AIFM3: variants seen among roughly 807,000 people sequenced by gnomAD.
The protein encoded by AIFM3 is apoptosis-inducing factor 3.
A neutral mutation model predicts 82.7 loss-of-function variants in AIFM3; 71 were observed. That is an observed-to-expected ratio of 0.86 (90% CI 0.71 to 1.05). AIFM3 has a LOEUF of 1.05. AIFM3 is among the 50% of genes least tolerant of loss of function. The probability of loss-of-function intolerance (pLI) is 0.00; values close to 1 mark genes in which losing one functional copy is unlikely to be tolerated. For missense variants in AIFM3, 748 were observed against 816.7 expected (o/e 0.92, Z 1.03); for synonymous variants, 337 against 329.1 (o/e 1.02, Z -0.26).
upstream of AIFM3, among the ~76,000 whole-genome samples, chr22:20,965,676 G>T (rs1244656798): frequency 3.9e-5 from 6 of 152,300 alleles, no homozygotes; most frequent in Admixed American, 3.9e-4. Flanking sequence ...AAGCCACTGG[G>T]AGTCCGATCT....
intron 2 of AIFM3, among the ~76,000 whole-genome samples, 178 bp downstream of exon 2, chr22:20,968,153 C>T (rs1284279214): frequency 1.3e-5 from 2 of 152,176 alleles, no homozygotes; most frequent in East Asian, 3.9e-4. Context: ...TGGAGCAGTT[C>T]CCCCAGCTGG....
Position 20,976,233 on chromosome 22 carries a change from A to C in AIFM3, c.826A>C (p.Arg276=), listed in dbSNP as rs1434404141. The C allele has an allele frequency of 2.0e-5, 33 of 1,613,708 alleles. No homozygotes were observed. The highest frequency in any genetic ancestry group is 2.7e-5 in the Non-Finnish European group (32 of 1,179,960). ...ATTGCAGGTGGTCACAGTGGACGTGAGAACTAAGAAGGTCGTGTTCAAGGA... is the reference window on the plus strand; with the variant it reads ...ATTGCAGGTGGTCACAGTGGACGTGCGAACTAAGAAGGTCGTGTTCAAGGA... ...TEAQVVTVDV[R]TKKVVFKDGF... The change falls in exon 10 of 21, where the codon AGA becomes CGA. Residue 276 remains arginine (R), a synonymous_variant. Coordinates refer to ENST00000440238, the MANE Select transcript of AIFM3 (RefSeq NM_001386814.1).
chr22:20,973,537 C>T lies in AIFM3; in HGVS notation c.245+17C>T. 1 of 1,603,478 alleles carries T rather than the reference C, an allele frequency of 6.2e-7. No homozygotes were observed. The highest frequency in any genetic ancestry group is 8.5e-7 in the Non-Finnish European group (1 of 1,174,646). On this transcript the variant is annotated intron_variant, in intron 3 of 20. Coordinates refer to ENST00000440238, the MANE Select transcript of AIFM3 (RefSeq NM_001386814.1). ...GAATGGCCAGTGGGTTCTGGGCTTG[C>T]CTGGGAGCGGGGATCAGGGGTCCCA...
At chr22:20,980,851 T>C in intron 20 of AIFM3, 84 bp downstream of exon 20, 1 of 1,610,536 alleles carries the variant, frequency 6.2e-7, no homozygotes, top group East Asian at 2.2e-5. Flanking sequence ...TCTCCCTCTG[T>C]CCAAGTACAC....
intron 2 of AIFM3, among the ~76,000 whole-genome samples, chr22:20,972,440 T>C (rs1028495833): frequency 2.6e-5 from 4 of 151,382 alleles, no homozygotes; most frequent in African/African-American, 7.3e-5. Context: ...AATTATGCTG[T>C]GAATTATGCT....
intron 18 of AIFM3, 63 bp from the exon 19 acceptor site, chr22:20,979,957 C>T (rs974284658): frequency 6.7e-7 from 1 of 1,487,554 alleles, no homozygotes; most frequent in African/African-American, 1.4e-5. Flanking sequence ...AGCAGTGCAT[C>T]AGGGTTTTCA....
intron 2 of AIFM3, among the ~76,000 whole-genome samples, chr22:20,970,433 A>G (rs1405447087): frequency 6.6e-6 from 1 of 152,084 alleles, no homozygotes; most frequent in Non-Finnish European, 1.5e-5. Flanking sequence ...GGCCTGCACC[A>G]CCACGACTGG....
chr22:20,977,560 A>G (rs2147947445), intron 14 of AIFM3, 140 bp from the exon 15 acceptor site: 1 of 976,132 alleles, frequency 1.0e-6, no homozygotes, highest in Non-Finnish European at 1.6e-6. Flanking sequence ...AGTGGGGACC[A>G]GGGTGCATGA....
rs2147940572 is a variant in AIFM3 at position 20,973,386 on chromosome 22, C to T, written c.111C>T (p.Pro37=). Residue 37 remains proline (P), a synonymous_variant, in exon 3 of 21, where the codon CCC becomes CCT. Coordinates refer to ENST00000440238, the MANE Select transcript of AIFM3 (RefSeq NM_001386814.1). ...EELSASGKGS[P]RAYQGNGTAR... is the part of the protein sequence containing the mutation. ...TGTCGGCCAGTGGGAAGGGCAGCCC[C>T]CGGGCCTACCAGGGCAATGGCACGG... 1 of 1,611,154 alleles carries T rather than the reference C, an allele frequency of 6.2e-7. No individual in the cohort carries two copies. The highest frequency in any genetic ancestry group is 8.5e-7 in the Non-Finnish European group (1 of 1,179,328).
At chr22:20,968,109 T>C in intron 2 of AIFM3, 134 bp downstream of exon 2, 1 of 924,698 alleles carries the variant, frequency 1.1e-6, no homozygotes. Context: ...GCTCGGAATG[T>C]TAATACGCTG....
Position 20,981,015 on chromosome 22 carries a change from C to CCA in AIFM3, c.1802_1803insCA (p.Gly602ArgfsTer42). 1 of 1,614,166 alleles carries CCA rather than the reference C, an allele frequency of 6.2e-7. No individual in the cohort carries two copies. The highest frequency in any genetic ancestry group is 8.5e-7 in the Non-Finnish European group (1 of 1,180,028). ...AGGACTGGCGACATGTCCTGGCTTACGGGGAAAGGATCCTGAGCTCACATG... is the reference window on the plus strand; with the variant it reads ...AGGACTGGCGACATGTCCTGGCTTACCAGGGGAAAGGATCCTGAGCTCACATG... On this transcript the variant is annotated frameshift_variant, in exon 21 of 21. Coordinates refer to ENST00000440238, the MANE Select transcript of AIFM3 (RefSeq NM_001386814.1). LOFTEE classifies it high-confidence loss of function.
At position 20,980,992 on chromosome 22, in the gene AIFM3, G is replaced by C. The variant is rs1369668948; in HGVS notation, c.1779G>C (p.Lys593Asn). Residue 593 changes from lysine to asparagine, a missense_variant and splice_region_variant, in exon 21 of 21, where the codon AAG becomes AAC. Around this residue, in one of 5 missense-constraint regions of AIFM3, gnomAD observed 183 missense variants for 158.2 expected, o/e 1.16. Coordinates refer to ENST00000440238, the MANE Select transcript of AIFM3 (RefSeq NM_001386814.1). ...REVELFVLHS[K>N]TGDMSWLTGK... ...ACCCCTCCTCCCCTCACTCCTGCAG[G>C]ACTGGCGACATGTCCTGGCTTACGG... The C allele has an allele frequency of 6.2e-7, 1 of 1,614,192 alleles. No homozygotes were observed. The highest frequency in any genetic ancestry group is 1.3e-5 in the African/African-American group (1 of 75,040).
Position 20,981,015 on chromosome 22 carries a change from CG to C in AIFM3, c.1806del (p.Gly604AspfsTer39). The C allele has an allele frequency of 6.2e-7, 1 of 1,614,166 alleles. No individual in the cohort carries two copies. The highest frequency in any genetic ancestry group is 1.1e-5 in the South Asian group (1 of 91,084). On this transcript the variant is annotated frameshift_variant, in exon 21 of 21. Transcript: ENST00000440238. LOFTEE classifies it high-confidence loss of function. Reference sequence around the variant, plus strand: ...AGGACTGGCGACATGTCCTGGCTTACGGGGAAAGGATCCTGAGCTCACATGC... The same window carrying C: ...AGGACTGGCGACATGTCCTGGCTTACGGGAAAGGATCCTGAGCTCACATGC... The part of the protein sequence containing the change: ...HSKTGDMSWL[T>X]GKGS
intron 3 of AIFM3, 48 bp from the exon 4 acceptor site, chr22:20,973,710 G>A (rs1923425333): frequency 1.4e-6 from 2 of 1,481,362 alleles, no homozygotes; most frequent in Admixed American, 2.2e-5. Flanking sequence ...GCTGCCAGGA[G>A]GTTGTGCCTG....
At position 20,980,023 on chromosome 22, in the gene AIFM3, C is replaced by CGACGAGGTGATG; in HGVS notation, c.1667_1668insGGACGAGGTGAT (p.Val555_Ile556insMetAspGluVal). The CGACGAGGTGATG allele has an allele frequency of 6.2e-7, 1 of 1,610,120 alleles. No individual in the cohort carries two copies. The highest frequency in any genetic ancestry group is 8.5e-7 in the Non-Finnish European group (1 of 1,179,626). On this transcript the variant is annotated inframe_insertion, in exon 19 of 21. Transcript: ENST00000440238. The stretch of plus-strand genomic sequence containing the variant: ...CTTGGCCATCCTCTCCTTGCAGAGG[C>CGACGAGGTGATG]GACGAGGTGATCGCCGTGGCCAGCA...
At chr22:20,979,852 C>T (rs956105418) in intron 18 of AIFM3, 150 bp downstream of exon 18, 3 of 1,183,454 alleles carry the variant, frequency 2.5e-6, no homozygotes, top group African/African-American at 3.1e-5. Context: ...GAAGCTTGTG[C>T]ACGGTCAAGC....
Position 20,981,215 on chromosome 22 carries a change from C to A in AIFM3, c.*184C>A. ...TCTGCTGGATCCAGAAGATGCTCAA[C>A]CCTCAAGGCCTCTGCTGCCACTGAC... On this transcript the variant is annotated 3_prime_UTR_variant, in exon 21 of 21. Coordinates refer to ENST00000440238, the MANE Select transcript of AIFM3 (RefSeq NM_001386814.1). 1.4e-6 allele frequency: 1 copy of A among 730,220 alleles called. No homozygotes were observed. The highest frequency in any genetic ancestry group is 2.2e-6 in the Non-Finnish European group (1 of 450,788). 45.2% of individuals were successfully genotyped at this position (730,220 alleles called of 1,614,324 possible).
In AIFM3 at chr22:20,980,740, C is replaced by T. The variant is rs772189405; in HGVS notation, c.1758-7C>T. 1.2e-6 allele frequency: 2 copies of T among 1,614,198 alleles called. No individual in the cohort carries two copies. Among genetic ancestry groups the T allele is most frequent in the Non-Finnish European group, 1.7e-6 (2 of 1,180,032 alleles). On this transcript the variant is annotated splice_polypyrimidine_tract_variant and splice_region_variant and intron_variant, in intron 19 of 20. Coordinates refer to ENST00000440238, the MANE Select transcript of AIFM3 (RefSeq NM_001386814.1). ...TCTCTCCGTTTCTCTCTCTTGCCTT[C>T]GTGAAGGCTGTTTGTGCTGCACAGC... is the stretch of plus-strand genomic sequence containing the variant.
chr22:20,977,665 G>A, intron 14 of AIFM3, 35 bp from the exon 15 acceptor site: 1 of 1,613,494 alleles, frequency 6.2e-7, no homozygotes, highest in Non-Finnish European at 8.5e-7. Context: ...AGAAGGCAGG[G>A]ACAGGGGAGT....
Sources: gnomAD v4.1 joint callset for allele counts (sites outside exome capture counted in the v4.1 genomes callset) on GRCh38, gnomAD v4.1.1 for gene constraint, gnomAD v4.1.1 regional missense constraint, MANE v1.5 for transcripts, NCBI Gene and HGNC (gene_info 2026-07-23, HGNC 2026-07-21) for gene names.